The following KRABD2 variants were observed in gnomAD, a reference collection of about 807,000 sequenced individuals.
The protein encoded by KRABD2 is KRAB domain containing 2, also known as KRAB domain-containing protein 2.
chr17:8,361,417 G>A, the KRABD2 span, among the ~76,000 whole-genome samples: 4 of 152,294 alleles, frequency 2.6e-5, no homozygotes, highest in Non-Finnish European at 5.9e-5. Context: ...TAGAGTAGCC[G>A]ATGGCCTGAG....
At chr17:8,362,532 C>T in the KRABD2 span, among the ~76,000 whole-genome samples, 1 of 152,106 alleles carries the variant, frequency 6.6e-6, no homozygotes, top group African/African-American at 2.4e-5. This position sits in a 1 kb window ranked among gnomAD's most constrained non-coding sequence, Gnocchi z 4.2. Flanking sequence ...TCAGAGTTAG[C>T]CTATCAGTTA....
chr17:8,359,353 G>C, the KRABD2 span: 2 of 347,556 alleles, frequency 5.8e-6, no homozygotes, highest in African/African-American at 2.1e-5. Context: ...CTAATACAAA[G>C]TAGGCAGGAT....
the KRABD2 span, among the ~76,000 whole-genome samples, chr17:8,374,465 G>A: frequency 6.6e-6 from 1 of 151,886 alleles, no homozygotes; most frequent in Non-Finnish European, 1.5e-5. Flanking sequence ...CTAATCTCAA[G>A]TACCCAGGGA....
chr17:8,374,322 T>A, the KRABD2 span, among the ~76,000 whole-genome samples: 16 of 152,168 alleles, frequency 1.1e-4, no homozygotes, highest in African/African-American at 3.4e-4. Flanking sequence ...TCTATAACCT[T>A]ACCCCCAACC....
chr17:8,367,786 G>T, the KRABD2 span, among the ~76,000 whole-genome samples: 2 of 151,846 alleles, frequency 1.3e-5, no homozygotes, highest in African/African-American at 4.8e-5. Flanking sequence ...TGACTCTTAA[G>T]GAGCATGCTG....
At chr17:8,374,450 ACTCC>A in the KRABD2 span, among the ~76,000 whole-genome samples, 5 of 151,582 alleles carry the variant, frequency 3.3e-5, no homozygotes, top group African/African-American at 9.7e-5. Flanking sequence ...AGTCATCACC[ACTCC>A]CTAATCTCAA....
At chr17:8,360,017 C>T in the KRABD2 span, 2 of 364,686 alleles carry the variant, frequency 5.5e-6, no homozygotes, top group South Asian at 2.0e-5. Flanking sequence ...GTGTGAATCC[C>T]AGAGGAAAGG....
the KRABD2 span, among the ~76,000 whole-genome samples, chr17:8,371,085 G>A: frequency 6.6e-6 from 1 of 152,102 alleles, no homozygotes; most frequent in Admixed American, 6.6e-5. Context: ...AGGGAGAACT[G>A]CCTGAACCTG....
the KRABD2 span, among the ~76,000 whole-genome samples, chr17:8,372,428 C>A: frequency 6.6e-6 from 1 of 152,002 alleles, no homozygotes; most frequent in Non-Finnish European, 1.5e-5. This position sits in a 1 kb window ranked among gnomAD's most constrained non-coding sequence, Gnocchi z 4.1. Flanking sequence ...AAACCCAGGC[C>A]GGTCTCGAAC....
the KRABD2 span, chr17:8,370,077 C>G: frequency 6.2e-7 from 1 of 1,614,106 alleles, no homozygotes; most frequent in Admixed American, 1.7e-5. Context: ...ATCACGTTCT[C>G]CATGAGTAGC....
At chr17:8,363,071 C>G in the KRABD2 span, among the ~76,000 whole-genome samples, 1 of 152,240 alleles carries the variant, frequency 6.6e-6, no homozygotes, top group East Asian at 1.9e-4. Context: ...TAATCTGCTA[C>G]TGGTAGGGAT....
chr17:8,365,201 C>G, the KRABD2 span, among the ~76,000 whole-genome samples: 2 of 152,012 alleles, frequency 1.3e-5, no homozygotes, highest in African/African-American at 2.4e-5. Flanking sequence ...CATTAAGATG[C>G]AAAAGAGGAA....
chr17:8,363,854 TA>T, the KRABD2 span, among the ~76,000 whole-genome samples: 1,381 of 68,402 alleles, frequency 0.02, 17 homozygotes, highest in Non-Finnish European at 0.032. Flanking sequence ...TATATATATA[TA>T]TATATATTTA....
chr17:8,369,072 A>G, the KRABD2 span: 1 of 1,531,644 alleles, frequency 6.5e-7, no homozygotes, highest in Non-Finnish European at 8.7e-7. Flanking sequence ...GCCTCTGGCA[A>G]CAGTTCTCAG....
chr17:8,358,843 A>C, the KRABD2 span, among the ~76,000 whole-genome samples: 1 of 152,092 alleles, frequency 6.6e-6, no homozygotes, highest in South Asian at 2.1e-4. Context: ...ATATTTCAAC[A>C]TCTATTTCCT....
At chr17:8,373,332 G>A in the KRABD2 span, among the ~76,000 whole-genome samples, 1 of 152,216 alleles carries the variant, frequency 6.6e-6, no homozygotes, top group African/African-American at 2.4e-5. Flanking sequence ...GCGCCGCCAT[G>A]CCTGACTGGT....
chr17:8,373,826 C>G, the KRABD2 span: 1 of 160,582 alleles, frequency 6.2e-6, no homozygotes, highest in South Asian at 1.6e-4. Context: ...CGGCCGTGAC[C>G]CCGTCTGGGA....
At chr17:8,369,291 A>G in the KRABD2 span, 3 of 1,614,188 alleles carry the variant, frequency 1.9e-6, no homozygotes, top group Non-Finnish European at 2.5e-6. Flanking sequence ...TTCTTCAGCA[A>G]TTTCTAGCTC....
At chr17:8,363,825 T>TATCATACATA in the KRABD2 span, among the ~76,000 whole-genome samples, 4 of 74,224 alleles carry the variant, frequency 5.4e-5, no homozygotes, top group Middle Eastern at 6.3e-3. Context: ...CATATATATA[T>TATCATACATA]CATACATATA....
Sources: allele counts gnomAD v4.1 joint callset (sites outside exome capture counted in the v4.1 genomes callset), GRCh38; gene constraint gnomAD v4.1.1; non-coding constraint Gnocchi (gnomAD v3.1); transcripts MANE v1.5; gene names NCBI Gene and HGNC (gene_info 2026-07-23, HGNC 2026-07-21).